Variants in ESRRG observed in about 807,000 individuals in gnomAD.
The protein encoded by ESRRG is estrogen related receptor gamma.
A neutral mutation model predicts 44.0 loss-of-function variants in ESRRG; 13 were observed. The observed-to-expected ratio is 0.30, with a 90% CI of 0.19 to 0.47. The LOEUF (loss-of-function observed/expected upper bound fraction) is 0.47, where lower values mean the gene tolerates loss of function less well. Ranked by LOEUF, ESRRG falls within the 20% of genes least tolerant of loss-of-function variation. ESRRG has a pLI of 1.00. For synonymous variants in ESRRG, 215 were observed against 214.6 expected (o/e 1.00, Z -0.02); for missense variants, 395 against 580.6 (o/e 0.68, Z 3.29).
intron 3 of ESRRG, among the ~76,000 whole-genome samples, chr1:216,619,655 C>T (rs559607997): frequency 3.9e-5 from 6 of 152,262 alleles, no homozygotes; most frequent in African/African-American, 1.4e-4. Context: ...ATATATGGGT[C>T]CTTTTCCTGA....
At chr1:216,762,355 C>T (rs1576273386) in intron 2 of ESRRG, among the ~76,000 whole-genome samples, 1 of 152,168 alleles carries the variant, frequency 6.6e-6, no homozygotes. Flanking sequence ...CGCATATACA[C>T]TATGGAATAC....
chr1:216,891,971 T>C (rs1001744713), intron 2 of ESRRG, among the ~76,000 whole-genome samples: 2 of 151,848 alleles, frequency 1.3e-5, no homozygotes, highest in Admixed American at 6.6e-5. Flanking sequence ...CATGCCCGAC[T>C]AATTTTTGTA....
intron 2 of ESRRG, among the ~76,000 whole-genome samples, chr1:216,935,439 G>T (rs1026382149): frequency 2.0e-5 from 3 of 152,036 alleles, no homozygotes; most frequent in African/African-American, 7.3e-5. Flanking sequence ...TATTTATAAG[G>T]GATATTATAA....
At chr1:216,580,401 A>T (rs2062535172) in intron 3 of ESRRG, among the ~76,000 whole-genome samples, 1 of 152,240 alleles carries the variant, frequency 6.6e-6, no homozygotes, top group South Asian at 2.1e-4. Context: ...ATTGAAGAAA[A>T]AAAAGGAGTT....
At chr1:217,119,063 A>G (rs541715195) in intron 1 of ESRRG, among the ~76,000 whole-genome samples, 2 of 152,260 alleles carry the variant, frequency 1.3e-5, no homozygotes, top group South Asian at 4.1e-4. Context: ...ACACAGATAC[A>G]GATACAGATA....
At chr1:216,964,712 A>G (rs2150214861) in intron 1 of ESRRG, among the ~76,000 whole-genome samples, 1 of 151,744 alleles carries the variant, frequency 6.6e-6, no homozygotes, top group South Asian at 2.1e-4. Flanking sequence ...AAATGTTCCT[A>G]CTATTAGTAG....
chr1:216,907,662 G>A (rs2059836363), intron 2 of ESRRG, among the ~76,000 whole-genome samples: 2 of 152,156 alleles, frequency 1.3e-5, no homozygotes, highest in Non-Finnish European at 2.9e-5. Context: ...GGTTTACTAT[G>A]TGTGCAAAAT....
At chr1:216,649,813 T>C (rs1379036789) in intron 3 of ESRRG, among the ~76,000 whole-genome samples, 1 of 152,096 alleles carries the variant, frequency 6.6e-6, no homozygotes, top group African/African-American at 2.4e-5. Context: ...TCCTATAATA[T>C]TGTTCACAGT....
At chr1:217,129,173 G>A (rs72743333) in intron 1 of ESRRG, among the ~76,000 whole-genome samples, 1 of 152,048 alleles carries the variant, frequency 6.6e-6, no homozygotes, top group Admixed American at 6.6e-5. Context: ...TTTAAAAATC[G>A]TCAAGACTCT....
At chr1:216,562,706 G>T (rs1435156485) in intron 5 of ESRRG, among the ~76,000 whole-genome samples, 1 of 151,990 alleles carries the variant, frequency 6.6e-6, no homozygotes, top group East Asian at 1.9e-4. Context: ...GGGTGAAAAT[G>T]ATGATATTTA....
intron 1 of ESRRG, among the ~76,000 whole-genome samples, chr1:216,994,624 C>T (rs188775195): frequency 6.6e-6 from 1 of 152,304 alleles, no homozygotes; most frequent in Non-Finnish European, 1.5e-5. Flanking sequence ...CTGTATCGCC[C>T]AGGCTGGAGT....
chr1:216,794,084 T>A (rs1425008581), intron 2 of ESRRG, among the ~76,000 whole-genome samples: 1 of 152,024 alleles, frequency 6.6e-6, no homozygotes, highest in Non-Finnish European at 1.5e-5. Flanking sequence ...AAGAGTTCAA[T>A]ATAAATTTAC....
chr1:216,668,190 G>A (rs1271820023), intron 2 of ESRRG, among the ~76,000 whole-genome samples: 1 of 152,162 alleles, frequency 6.6e-6, no homozygotes, highest in Admixed American at 6.5e-5. Flanking sequence ...TGAAGTAACA[G>A]AGACAGTAGG....
chr1:216,566,969 T>A (rs1383682480), intron 4 of ESRRG, among the ~76,000 whole-genome samples: 1 of 152,230 alleles, frequency 6.6e-6, no homozygotes, highest in African/African-American at 2.4e-5. Flanking sequence ...GATTTCCATA[T>A]GCTCACATAT....
At chr1:217,113,460 C>T (rs1004182208) in intron 1 of ESRRG, among the ~76,000 whole-genome samples, 2 of 152,130 alleles carry the variant, frequency 1.3e-5, no homozygotes, top group Non-Finnish European at 2.9e-5. Context: ...GGTAACTTAT[C>T]TTCAGATTAA....
chr1:216,689,153 A>T (rs1302374219), intron 1 of ESRRG, among the ~76,000 whole-genome samples: 6 of 152,154 alleles, frequency 3.9e-5, no homozygotes, highest in African/African-American at 1.2e-4. Flanking sequence ...CTCAGTAAAG[A>T]TTTAGTGTTA....
chr1:216,564,969 C>G (rs1198605554), intron 4 of ESRRG, among the ~76,000 whole-genome samples: 1 of 151,852 alleles, frequency 6.6e-6, no homozygotes, highest in African/African-American at 2.4e-5. Flanking sequence ...TTTTTTTCTC[C>G]CCCTCCCCAC....
At chr1:216,767,328 T>C (rs552019502) in intron 2 of ESRRG, among the ~76,000 whole-genome samples, 1 of 152,150 alleles carries the variant, frequency 6.6e-6, no homozygotes, top group East Asian at 1.9e-4. Context: ...ACACTATTTC[T>C]GAAAAATAAG....
chr1:217,117,950 G>T (rs1437912276), intron 1 of ESRRG, among the ~76,000 whole-genome samples: 1 of 152,124 alleles, frequency 6.6e-6, no homozygotes, highest in Non-Finnish European at 1.5e-5. Flanking sequence ...ACCAAAAGTT[G>T]CACTGACCTT....
Sources: allele counts gnomAD v4.1 joint callset (sites outside exome capture counted in the v4.1 genomes callset), GRCh38; gene constraint gnomAD v4.1.1; transcripts MANE v1.5; gene names NCBI Gene and HGNC (gene_info 2026-07-23, HGNC 2026-07-21).